SLC8A1: variants seen among roughly 807,000 people sequenced by gnomAD.
SLC8A1 encodes sodium/calcium exchanger 1.
In SLC8A1, 18 loss-of-function variants were observed where a neutral mutation model predicts 68.3. The ratio of observed to expected loss-of-function variants is 0.26; its 90% confidence interval spans 0.18 to 0.39. The LOEUF is 0.39. Among genes scored for constraint, SLC8A1 ranks in the 10% least tolerant of loss-of-function variants. The pLI is 1.00. For missense variants in SLC8A1, 985 were observed against 1,156.7 expected, an observed-to-expected ratio of 0.85 and a Z score of 2.15; for synonymous variants, 475 against 415.5, an observed-to-expected ratio of 1.14 and a Z score of -1.74.
intron 1 of SLC8A1, among the ~76,000 whole-genome samples, chr2:40,434,540 AAGAT>A (rs1309677189): frequency 1.3e-5 from 2 of 152,170 alleles, no homozygotes; most frequent in Non-Finnish European, 2.9e-5. Flanking sequence ...ATTAAGCAGA[AAGAT>A]AAGAATAGAG....
chr2:40,458,315 C>T (rs1171510306), intron 1 of SLC8A1, among the ~76,000 whole-genome samples: 1 of 152,108 alleles, frequency 6.6e-6, no homozygotes, highest in Admixed American at 6.5e-5. Flanking sequence ...CTGACATAAG[C>T]AGATTGGAGG....
chr2:40,337,729 A>G (rs182134712), intron 2 of SLC8A1, among the ~76,000 whole-genome samples: 3 of 152,278 alleles, frequency 2.0e-5, no homozygotes, highest in African/African-American at 7.2e-5. Flanking sequence ...AAAATGCAAA[A>G]TAATTCCTTC....
In SLC8A1 at chr2:40,253,883, G is replaced by A. The variant is rs926369127; in HGVS notation, c.1809-76028C>T. 7.4e-4 allele frequency among the ~76,000 whole-genome samples: 104 copies of A among 140,084 alleles called. 1 individual carries two copies. Among genetic ancestry groups the A allele is most frequent in the African/African-American group, 2.8e-3 (102 of 36,632 alleles). The allele number at this position is 140,084 out of a possible 152,430, so 91.9% of individuals were successfully genotyped here. ...GCTAGGAAGGACAGCAGGAGTGGGG[G>A]ATAAAGAAACAAACGTTGGTTTATG... On this transcript the variant is annotated intron_variant, in intron 2 of 7. Transcript: ENST00000406785.
chr2:40,430,095 G>T (rs1697905124), exon 2 of SLC8A1: 1 of 1,613,666 alleles, frequency 6.2e-7, no homozygotes, highest in Non-Finnish European at 8.5e-7. Context: ...GTTCCCAAAT[G>T]GGCAAAATCA....
At chr2:40,474,479 G>A (rs1224073806) in intron 1 of SLC8A1, among the ~76,000 whole-genome samples, 1 of 152,088 alleles carries the variant, frequency 6.6e-6, no homozygotes, top group African/African-American at 2.4e-5. Flanking sequence ...TACTTCCTAA[G>A]GTTTTAATGT....
chr2:40,171,489 C>T (rs1262063308), intron 4 of SLC8A1, among the ~76,000 whole-genome samples: 1 of 152,152 alleles, frequency 6.6e-6, no homozygotes, highest in Non-Finnish European at 1.5e-5. Context: ...GGTCCAGTTT[C>T]CCCATTCTGG....
chr2:40,236,812 T>C (rs1000489557), intron 2 of SLC8A1, among the ~76,000 whole-genome samples: 15 of 151,110 alleles, frequency 9.9e-5, no homozygotes, highest in African/African-American at 3.4e-4. Context: ...ACAAAATCTC[T>C]CAGCATTTGC....
chr2:40,278,096 C>T (rs779016708), intron 2 of SLC8A1, among the ~76,000 whole-genome samples: 1 of 151,910 alleles, frequency 6.6e-6, no homozygotes, highest in Non-Finnish European at 1.5e-5. Context: ...TTTATCACAT[C>T]ACTGGTTTTT....
intron 2 of SLC8A1, among the ~76,000 whole-genome samples, chr2:40,349,662 A>T (rs1559344744): frequency 1.3e-5 from 2 of 152,210 alleles, no homozygotes; most frequent in Non-Finnish European, 2.9e-5. Flanking sequence ...AGAAGTGTTC[A>T]GTAAGTGAGG....
intron 2 of SLC8A1, among the ~76,000 whole-genome samples, chr2:40,211,780 G>T (rs1218937651): frequency 6.6e-6 from 1 of 152,150 alleles, no homozygotes; most frequent in Non-Finnish European, 1.5e-5. Context: ...AAAAACCCAG[G>T]TTCTAGGGTC....
At chr2:40,228,093 C>G (rs2148880156) in intron 2 of SLC8A1, among the ~76,000 whole-genome samples, 1 of 152,264 alleles carries the variant, frequency 6.6e-6, no homozygotes, top group African/African-American at 2.4e-5. Context: ...AACCATTTGT[C>G]TTGAGGACTG....
At chr2:40,130,701 G>A (rs1259262364) in intron 7 of SLC8A1, among the ~76,000 whole-genome samples, 4 of 152,236 alleles carry the variant, frequency 2.6e-5, no homozygotes, top group Non-Finnish European at 4.4e-5. Context: ...TACTGGCTTA[G>A]GGTAAAGTCA....
intron 1 of SLC8A1, among the ~76,000 whole-genome samples, chr2:40,471,084 C>T (rs1019747521): frequency 6.6e-6 from 1 of 152,168 alleles, no homozygotes; most frequent in Admixed American, 6.5e-5. Flanking sequence ...GAAGTGGCTG[C>T]TGGAAGCTTT....
At chr2:40,371,495 A>T (rs74379812) in intron 2 of SLC8A1, among the ~76,000 whole-genome samples, 3,766 of 152,114 alleles carry the variant, frequency 0.025, 59 homozygotes, top group Non-Finnish European at 0.037. Flanking sequence ...AGGCTCAGGG[A>T]CCTCACTCTT....
At chr2:40,393,723 G>T (rs762388895) in intron 2 of SLC8A1, among the ~76,000 whole-genome samples, 3 of 152,084 alleles carry the variant, frequency 2.0e-5, no homozygotes, top group Non-Finnish European at 2.9e-5. Flanking sequence ...CCAAAATTCA[G>T]CTTGTAACAA....
chr2:40,404,458 C>A (rs1379011313), intron 2 of SLC8A1, among the ~76,000 whole-genome samples: 2 of 152,132 alleles, frequency 1.3e-5, no homozygotes, highest in Admixed American at 6.6e-5. Flanking sequence ...GAAAAGAACA[C>A]ATTTAAATAT....
rs1056058903 is a variant in SLC8A1, at chr2:40,302,378, C to T, written c.1809-124523G>A. Among the ~76,000 whole-genome samples the T allele has an allele frequency of 5.3e-5, 8 of 151,054 alleles. 1 individual carries two copies. The South Asian group carries it at 1.7e-3, about 32-fold the overall frequency. ...CCCTTAGAATAATAGTCTCCAGTTC[C>T]CTCCAGGTTGCTGCAAATGCCATTA... On this transcript the variant is annotated intron_variant, in intron 2 of 7. Coordinates refer to ENST00000406785, the Ensembl canonical transcript of SLC8A1.
At chr2:40,415,280 T>A (rs544010007) in intron 2 of SLC8A1, among the ~76,000 whole-genome samples, 55 of 152,244 alleles carry the variant, frequency 3.6e-4, no homozygotes, top group Middle Eastern at 3.4e-3. Flanking sequence ...GTCTCTCATT[T>A]AAGAAGAAAA....
At chr2:40,206,386 TA>T (rs1224227297) in intron 2 of SLC8A1, among the ~76,000 whole-genome samples, 2 of 152,116 alleles carry the variant, frequency 1.3e-5, no homozygotes, top group African/African-American at 4.8e-5. Context: ...AAAATCCTAT[TA>T]ACTCAAAGAG....
Sources: allele counts gnomAD v4.1 joint callset (sites outside exome capture counted in the v4.1 genomes callset), GRCh38; gene constraint gnomAD v4.1.1; transcripts MANE v1.5; gene names NCBI Gene and HGNC (gene_info 2026-07-23, HGNC 2026-07-21).